The following DYNC2H1 variants were observed in gnomAD, a reference collection of about 807,000 sequenced individuals.
DYNC2H1 encodes the protein cytoplasmic dynein 2 heavy chain 1.
A neutral mutation model predicts 570.0 loss-of-function variants in DYNC2H1; 410 were observed. The ratio of observed to expected loss-of-function variants is 0.72; its 90% CI spans 0.66 to 0.78. The LOEUF is 0.78. Ranked by LOEUF, DYNC2H1 falls within the 30% of genes least tolerant of loss-of-function variation. The probability of loss-of-function intolerance (pLI) is 0.00; values close to 1 mark genes in which losing one functional copy is unlikely to be tolerated. For missense variants in DYNC2H1, 4,865 were observed against 5,046.4 expected (o/e 0.96, Z 1.09); for synonymous variants, 1,688 against 1,677.6 (o/e 1.01, Z -0.15).
At chr11:103,233,708 A>C (rs1445884947) in intron 60 of DYNC2H1, among the ~76,000 whole-genome samples, 1 of 151,926 alleles carries the variant, frequency 6.6e-6, no homozygotes, top group East Asian at 1.9e-4. Context: ...ATGAAATAAA[A>C]CTAGAAAGAC....
At chr11:103,313,515 G>T (rs746598261) in intron 79 of DYNC2H1, among the ~76,000 whole-genome samples, 1 of 151,988 alleles carries the variant, frequency 6.6e-6, no homozygotes, top group Non-Finnish European at 1.5e-5. Flanking sequence ...TCCCCCTCAT[G>T]CTGCTCCCCT....
chr11:103,202,417 G>A (rs1862759187), intron 50 of DYNC2H1, among the ~76,000 whole-genome samples: 1 of 150,706 alleles, frequency 6.6e-6, no homozygotes, highest in Non-Finnish European at 1.5e-5. Context: ...TCAAATCTTG[G>A]CATTTTATTT....
chr11:103,469,321 A>G lies in DYNC2H1; in HGVS notation c.12765+616A>G, dbSNP rs1172869804. On this transcript the variant is annotated intron_variant, in intron 88 of 88. Coordinates refer to ENST00000375735, the MANE Select transcript of DYNC2H1 (RefSeq NM_001377.3). ...TTCAACAGTAGAACTTGGGGTATAC[A>G]TGTCTTTCAAATAGGACATAGTTGT... Among the ~76,000 whole-genome samples, 4 of 152,352 alleles carry G rather than the reference A, an allele frequency of 2.6e-5. No homozygotes were observed. In the East Asian group the frequency reaches 7.7e-4, roughly 29 times the overall value.
At chr11:103,231,411 T>C in intron 60 of DYNC2H1, 65 bp downstream of exon 60, 1 of 1,086,746 alleles carries the variant, frequency 9.2e-7, no homozygotes, top group Non-Finnish European at 1.3e-6. Context: ...CATCTTGATT[T>C]CTTTCTTGTT....
intron 84 of DYNC2H1, chr11:103,403,715 A>G (rs1257297221): frequency 2.0e-5 from 3 of 152,038 alleles, no homozygotes; most frequent in Non-Finnish European, 4.4e-5. Flanking sequence ...GGATGAGACT[A>G]ATATACAGAT....
chr11:103,203,674 G>A lies in DYNC2H1; in HGVS notation c.8209G>A (p.Gly2737Arg). ...NSLLSSGEVP[G>R]LYTLEELEPL... ...ATATTTTTCTGTAGGTGAAGTTCCT[G>A]GACTCTATACTCTTGAAGAATTAGA... Residue 2737 changes from glycine (G) to arginine (R), a missense_variant, in exon 51 of 89, where the codon GGA (glycine) becomes AGA (arginine). By Grantham distance (125) the Gly-to-Arg change is moderately radical. Around this residue, in one of 5 missense-constraint regions of DYNC2H1, gnomAD observed 2,401 missense variants for 2,454.6 expected, o/e 0.98. Transcript: ENST00000375735. The surrounding 1 kb of genome is among the most constrained non-coding windows in gnomAD (Gnocchi z 4.7). The A allele has an allele frequency of 6.2e-7, 1 of 1,602,154 alleles. No homozygotes were observed. Among genetic ancestry groups the A allele is most frequent in the South Asian group, 1.1e-5 (1 of 88,104 alleles).
chr11:103,460,112 T>G (rs1944961207), intron 87 of DYNC2H1, among the ~76,000 whole-genome samples: 1 of 152,098 alleles, frequency 6.6e-6, no homozygotes, highest in South Asian at 2.1e-4. Flanking sequence ...CCTCAGCTTC[T>G]TGAGTAGCTG....
chr11:103,289,539 T>C lies in DYNC2H1; in HGVS notation c.11095+1934T>C, dbSNP rs755763157. Among the ~76,000 whole-genome samples, 1 of 152,094 alleles carries C rather than the reference T, an allele frequency of 6.6e-6. No individual in the cohort carries two copies. Among genetic ancestry groups the C allele is most frequent in the African/African-American group, 2.4e-5 (1 of 41,410 alleles). ...ACATTTGGAGGCTGACGGGGGAGGA[T>C]TGCTTGAGCCCAGTAGTTTGAGACC... On this transcript the variant is annotated intron_variant, in intron 75 of 88. Coordinates refer to ENST00000375735, the MANE Select transcript of DYNC2H1 (RefSeq NM_001377.3). This position sits in a 1 kb window ranked among gnomAD's most constrained non-coding sequence, Gnocchi z 4.2.
chr11:103,424,740 A>G (rs1943609473), intron 84 of DYNC2H1, among the ~76,000 whole-genome samples: 1 of 151,078 alleles, frequency 6.6e-6, no homozygotes. Flanking sequence ...ACTTTGATCT[A>G]TATAGCATTT....
intron 83 of DYNC2H1, among the ~76,000 whole-genome samples, chr11:103,392,048 G>T (rs564508302): frequency 6.6e-6 from 1 of 152,206 alleles, no homozygotes; most frequent in Admixed American, 6.5e-5. Context: ...ATTTAAGTCC[G>T]CAGAGGACAT....
intron 1 of DYNC2H1, among the ~76,000 whole-genome samples, chr11:103,110,375 T>C (rs1460287279): frequency 6.6e-6 from 1 of 152,128 alleles, no homozygotes; most frequent in Non-Finnish European, 1.5e-5. Flanking sequence ...ATTTACTTAG[T>C]TATTTTTATT....
rs201251458 is a variant in DYNC2H1 at position 103,280,995 on chromosome 11, T to TA, written c.10761+591dup. 0.017 allele frequency among the ~76,000 whole-genome samples: 2,498 copies of TA among 151,182 alleles called. 73 individuals carry two copies. The highest frequency in any genetic ancestry group is 0.055 in the African/African-American group (2,270 of 41,284). ...ACCATTTCTTGTCTGCTTACAATTT[T>TA]AAAAAAAAAGCTATTTGCAAGTAAT... On this transcript the variant is annotated intron_variant, in intron 71 of 88. Transcript: ENST00000375735. The surrounding 1 kb of genome is among the most constrained non-coding windows in gnomAD (Gnocchi z 4.7).
Position 103,319,116 on chromosome 11 carries a change from G to A in DYNC2H1, c.11726-1913G>A, listed in dbSNP as rs144273617. On this transcript the variant is annotated intron_variant, in intron 80 of 88. Coordinates refer to ENST00000375735, the MANE Select transcript of DYNC2H1 (RefSeq NM_001377.3). This position sits in a 1 kb window ranked among gnomAD's most constrained non-coding sequence, Gnocchi z 4.3. ...TAGTGCCTTTTCACAAAAGAGAAAAGCAAAACAGAATTTGAATGATGTATC... is the reference window on the plus strand; with the variant it reads ...TAGTGCCTTTTCACAAAAGAGAAAAACAAAACAGAATTTGAATGATGTATC... Among the ~76,000 whole-genome samples, 1 of 152,176 alleles carries A rather than the reference G, an allele frequency of 6.6e-6. No individual in the cohort carries two copies. Among genetic ancestry groups the A allele is most frequent in the African/African-American group, 2.4e-5 (1 of 41,548 alleles).
At chr11:103,462,345 G>A (rs560240801) in intron 87 of DYNC2H1, among the ~76,000 whole-genome samples, 3 of 152,108 alleles carry the variant, frequency 2.0e-5, no homozygotes, top group Non-Finnish European at 4.4e-5. Context: ...TACTTCATAA[G>A]TGGCACTGTG....
At chr11:103,420,329 A>G (rs1943438780) in intron 84 of DYNC2H1, among the ~76,000 whole-genome samples, 1 of 152,158 alleles carries the variant, frequency 6.6e-6, no homozygotes, top group Non-Finnish European at 1.5e-5. Context: ...ATCAACCCCA[A>G]GATGCATAGC....
chr11:103,179,800 GATATCAT>G (rs1861775119), intron 39 of DYNC2H1, among the ~76,000 whole-genome samples: 1 of 151,542 alleles, frequency 6.6e-6, no homozygotes, highest in Admixed American at 6.6e-5. Flanking sequence ...ACCAATTTTA[GATATCAT>G]GTAAAATAGT....
chr11:103,360,496 T>A (rs1019006576), intron 83 of DYNC2H1, among the ~76,000 whole-genome samples: 1 of 152,180 alleles, frequency 6.6e-6, no homozygotes, highest in African/African-American at 2.4e-5. Flanking sequence ...TATAATAGTG[T>A]CTGGCATATG....
chr11:103,338,008 T>C (rs1161720738), intron 82 of DYNC2H1, among the ~76,000 whole-genome samples: 2 of 152,244 alleles, frequency 1.3e-5, no homozygotes, highest in Non-Finnish European at 2.9e-5. Context: ...TTTCACAGTT[T>C]CAGGTATTAT....
At chr11:103,419,166 C>T (rs1338198378) in intron 84 of DYNC2H1, among the ~76,000 whole-genome samples, 6 of 152,294 alleles carry the variant, frequency 3.9e-5, no homozygotes, top group African/African-American at 7.2e-5. Context: ...GTAGGGGTGG[C>T]GGCCGTCTCT....
Sources: gnomAD v4.1 joint callset for allele counts (sites outside exome capture counted in the v4.1 genomes callset) on GRCh38, gnomAD v4.1.1 for gene constraint, gnomAD v4.1.1 regional missense constraint, Gnocchi (gnomAD v3.1) non-coding constraint, MANE v1.5 for transcripts, NCBI Gene and HGNC (gene_info 2026-07-23, HGNC 2026-07-21) for gene names.